Variants in RSU1 observed in about 807,000 individuals in gnomAD.
RSU1 encodes the protein rsu-1.
In RSU1, 26 loss-of-function variants were observed where a neutral mutation model predicts 31.1. That is an observed-to-expected ratio of 0.84 (90% CI 0.61 to 1.16). The LOEUF (loss-of-function observed/expected upper bound fraction) is 1.16. Ranked by LOEUF, RSU1 falls within the 50% of genes most tolerant of loss-of-function variation. RSU1 has a pLI of 0.00. For missense variants in RSU1, 320 were observed against 339.1 expected (o/e 0.94, Z 0.44); for synonymous variants, 164 against 136.3 (o/e 1.20, Z -1.41).
intron 8 of RSU1, among the ~76,000 whole-genome samples, chr10:16,623,163 G>C (rs993883325): frequency 6.6e-6 from 1 of 152,122 alleles, no homozygotes; most frequent in Non-Finnish European, 1.5e-5. Context: ...TTTTTCAATA[G>C]TTTTTCAAAC....
At chr10:16,686,652 C>A (rs1835445119) in intron 8 of RSU1, among the ~76,000 whole-genome samples, 1 of 152,056 alleles carries the variant, frequency 6.6e-6, no homozygotes. Context: ...CTGTATAAGG[C>A]ATGCCAAATG....
intron 8 of RSU1, among the ~76,000 whole-genome samples, chr10:16,655,079 A>G (rs1834755615): frequency 1.3e-5 from 1 of 78,206 alleles, no homozygotes; most frequent in African/African-American, 4.8e-5. Context: ...AAAAAAAGAG[A>G]GAGAGAGAGA....
At chr10:16,706,606 CAG>C (rs1442963612) in intron 7 of RSU1, among the ~76,000 whole-genome samples, 26 of 152,138 alleles carry the variant, frequency 1.7e-4, no homozygotes, top group African/African-American at 6.0e-4. Flanking sequence ...TTAATTGACA[CAG>C]TGGAATTATA....
chr10:16,809,201 G>C lies in RSU1; in HGVS notation c.109+7772C>G, dbSNP rs576951197. ...ACACGCTGATGGAATCTGCTCAATG[G>C]GGACACTGCAAATTCCATTTCCTTT... is the stretch of plus-strand genomic sequence containing the variant. On this transcript the variant is annotated intron_variant, in intron 2 of 8. Transcript: ENST00000345264. Among the ~76,000 whole-genome samples the C allele has an allele frequency of 6.6e-5, 10 of 152,228 alleles. No homozygotes were observed. The East Asian group carries it at 1.9e-3, about 29-fold the overall frequency.
chr10:16,800,447 G>A lies in RSU1; in HGVS notation c.109+16526C>T, dbSNP rs114569078. On this transcript the variant is annotated intron_variant, in intron 2 of 8. Transcript: ENST00000345264. ...AAACACTGTAACAAAAATAAAGAGCGCCTCTGACTGGCTCATTAGTAGAAT... is the reference window on the plus strand; with the variant it reads ...AAACACTGTAACAAAAATAAAGAGCACCTCTGACTGGCTCATTAGTAGAAT... Among the ~76,000 whole-genome samples, 1,305 of 152,266 alleles carry A rather than the reference G, an allele frequency of 8.6e-3. 9 individuals carry two copies. The highest frequency in any genetic ancestry group is 0.029 in the African/African-American group (1,222 of 41,542).
intron 7 of RSU1, among the ~76,000 whole-genome samples, chr10:16,734,584 C>G (rs1260122700): frequency 6.6e-6 from 1 of 152,150 alleles, no homozygotes; most frequent in African/African-American, 2.4e-5. Context: ...ATAGGTTTCA[C>G]TTGTTTCTCA....
chr10:16,811,221 A>G (rs1288873103), intron 2 of RSU1, among the ~76,000 whole-genome samples: 3 of 152,228 alleles, frequency 2.0e-5, no homozygotes, highest in African/African-American at 7.2e-5. Flanking sequence ...CAAGCACACC[A>G]TCTAGCCCAG....
chr10:16,756,969 G>C (rs1004555768), intron 4 of RSU1, among the ~76,000 whole-genome samples: 34 of 150,670 alleles, frequency 2.3e-4, no homozygotes, highest in African/African-American at 8.1e-4. Flanking sequence ...GGGTAGGTAT[G>C]AGTGTGGTGT....
At chr10:16,814,258 A>G (rs1363816178) in intron 2 of RSU1, among the ~76,000 whole-genome samples, 1 of 152,060 alleles carries the variant, frequency 6.6e-6, no homozygotes, top group Non-Finnish European at 1.5e-5. Flanking sequence ...TGGGCAGCAT[A>G]GCAAGACCCC....
intron 8 of RSU1, among the ~76,000 whole-genome samples, chr10:16,668,099 A>C (rs1472115189): frequency 1.3e-5 from 2 of 152,212 alleles, no homozygotes; most frequent in Admixed American, 6.5e-5. Context: ...CTACATATTA[A>C]AACTGTAACC....
At chr10:16,714,130 G>C (rs1009853546) in intron 7 of RSU1, among the ~76,000 whole-genome samples, 1 of 152,192 alleles carries the variant, frequency 6.6e-6, no homozygotes, top group African/African-American at 2.4e-5. Flanking sequence ...GCCACCACTA[G>C]TCTGGCTGTT....
At chr10:16,747,735 C>G (rs1013157097) in intron 7 of RSU1, among the ~76,000 whole-genome samples, 2 of 152,226 alleles carry the variant, frequency 1.3e-5, no homozygotes, top group African/African-American at 4.8e-5. Flanking sequence ...AAGAACTCCT[C>G]TGAAAAACAG....
intron 8 of RSU1, among the ~76,000 whole-genome samples, chr10:16,610,566 A>T (rs996298888): frequency 6.6e-6 from 1 of 152,116 alleles, no homozygotes; most frequent in Non-Finnish European, 1.5e-5. Context: ...CACGCTCCTT[A>T]TGAGAATCTA....
chr10:16,764,618 A>T (rs1837276720), intron 3 of RSU1, 108 bp from the exon 4 acceptor site: 10 of 1,212,616 alleles, frequency 8.2e-6, no homozygotes, highest in Non-Finnish European at 1.2e-5. Flanking sequence ...CATAACTTCA[A>T]AAGGGCCATC....
At chr10:16,748,165 C>G (rs981440047) in intron 7 of RSU1, 7 of 152,212 alleles carry the variant, frequency 4.6e-5, no homozygotes, top group African/African-American at 1.7e-4. Flanking sequence ...AATCTAGTCT[C>G]TTACTGTTGT....
chr10:16,784,353 G>C (rs61843972), intron 2 of RSU1, among the ~76,000 whole-genome samples: 5 of 152,066 alleles, frequency 3.3e-5, no homozygotes, highest in South Asian at 2.1e-4. Context: ...TTCATTCATC[G>C]GTATTAGTCC....
At chr10:16,803,780 A>G (rs1350598355) in intron 2 of RSU1, among the ~76,000 whole-genome samples, 3 of 152,208 alleles carry the variant, frequency 2.0e-5, no homozygotes, top group Non-Finnish European at 4.4e-5. Flanking sequence ...ATCAACACAC[A>G]CACAAAAATC....
intron 4 of RSU1, among the ~76,000 whole-genome samples, chr10:16,758,162 G>T (rs1443354378): frequency 8.0e-6 from 1 of 125,206 alleles, no homozygotes; most frequent in African/African-American, 4.4e-5. Flanking sequence ...CACCCTGGCG[G>T]GCAGAAAGAA....
chr10:16,757,417 C>T (rs371512494), intron 4 of RSU1, among the ~76,000 whole-genome samples: 4 of 152,112 alleles, frequency 2.6e-5, no homozygotes. Flanking sequence ...AAAAGGGAAA[C>T]GCGGGTTCCC....
Sources: gnomAD v4.1 joint callset for allele counts (sites outside exome capture counted in the v4.1 genomes callset) on GRCh38, gnomAD v4.1.1 for gene constraint, MANE v1.5 for transcripts, NCBI Gene and HGNC (gene_info 2026-07-23, HGNC 2026-07-21) for gene names.